Variants in CDH13 observed in about 807,000 individuals in gnomAD.
CDH13 encodes cadherin-13.
In CDH13, 24 loss-of-function variants were observed where a neutral mutation model predicts 63.8. The ratio of observed to expected loss-of-function variants is 0.38; its 90% CI spans 0.27 to 0.53. The LOEUF (loss-of-function observed/expected upper bound fraction) is 0.53. Ranked by LOEUF, CDH13 falls within the 20% of genes least tolerant of loss-of-function variation. CDH13 has a pLI of 0.85. For synonymous variants in CDH13, 503 were observed against 355.3 expected (o/e 1.42, Z -4.67); for missense variants, 1,049 against 903.1 (o/e 1.16, Z -2.07).
At chr16:83,214,174 A>T (rs918266937) in intron 4 of CDH13, among the ~76,000 whole-genome samples, 1 of 152,064 alleles carries the variant, frequency 6.6e-6, no homozygotes, top group African/African-American at 2.4e-5. Context: ...GGGTGAAGCA[A>T]TAATGACCAC....
chr16:83,141,167 G>C (rs2036513975), intron 4 of CDH13, among the ~76,000 whole-genome samples: 1 of 152,186 alleles, frequency 6.6e-6, no homozygotes, highest in African/African-American at 2.4e-5. Flanking sequence ...TAAAGCCGGA[G>C]GGGCTCTGGA....
At chr16:83,004,898 C>A (rs546493036) in intron 2 of CDH13, among the ~76,000 whole-genome samples, 2 of 152,222 alleles carry the variant, frequency 1.3e-5, no homozygotes, top group African/African-American at 4.8e-5. Context: ...GGAGATGGCA[C>A]TTGTCATCCC....
At chr16:83,082,565 C>G (rs1223563607) in intron 3 of CDH13, among the ~76,000 whole-genome samples, 1 of 152,020 alleles carries the variant, frequency 6.6e-6, no homozygotes, top group Non-Finnish European at 1.5e-5. Context: ...TGACTGAACC[C>G]GGGAGGCAGA....
chr16:83,539,705 A>G (rs2075263658), intron 7 of CDH13, among the ~76,000 whole-genome samples: 1 of 152,222 alleles, frequency 6.6e-6, no homozygotes, highest in Non-Finnish European at 1.5e-5. Context: ...TAGGTACTGT[A>G]ATTATTCCCA....
At chr16:82,853,257 C>G (rs1007233490) in intron 1 of CDH13, among the ~76,000 whole-genome samples, 11 of 152,176 alleles carry the variant, frequency 7.2e-5, no homozygotes, top group Middle Eastern at 3.2e-3. Flanking sequence ...CTGTCTGATT[C>G]CCTGCTATGT....
At chr16:83,744,902 G>T (rs56858644) in intron 10 of CDH13, among the ~76,000 whole-genome samples, 6,161 of 152,308 alleles carry the variant, frequency 0.04, 409 homozygotes, top group African/African-American at 0.14. Context: ...TGCTGGCAAT[G>T]TGAACGGCTG....
At chr16:83,214,227 C>T (rs985371968) in intron 4 of CDH13, among the ~76,000 whole-genome samples, 12 of 151,944 alleles carry the variant, frequency 7.9e-5, no homozygotes, top group Non-Finnish European at 1.2e-4. Context: ...CCCCTTCCCA[C>T]GCAGGGAGCT....
chr16:83,623,956 G>A (rs1373061725), intron 8 of CDH13, among the ~76,000 whole-genome samples: 1 of 152,162 alleles, frequency 6.6e-6, no homozygotes, highest in Non-Finnish European at 1.5e-5. Flanking sequence ...TCGTTGTTAG[G>A]AACAGAAATC....
At chr16:82,735,582 A>T (rs1379422194) in intron 1 of CDH13, among the ~76,000 whole-genome samples, 1 of 152,232 alleles carries the variant, frequency 6.6e-6, no homozygotes. Flanking sequence ...GTAATAGATG[A>T]ATAAGCTTAT....
chr16:83,392,197 C>T (rs2091801262), intron 6 of CDH13, among the ~76,000 whole-genome samples: 1 of 152,224 alleles, frequency 6.6e-6, no homozygotes, highest in South Asian at 2.1e-4. Flanking sequence ...TGCCTCATAG[C>T]TTCGTGGCCC....
intron 10 of CDH13, among the ~76,000 whole-genome samples, chr16:83,702,334 C>T (rs1906364290): frequency 6.6e-6 from 1 of 152,168 alleles, no homozygotes; most frequent in South Asian, 2.1e-4. Flanking sequence ...CTACATTGCT[C>T]ACTCCTATTA....
intron 1 of CDH13, among the ~76,000 whole-genome samples, chr16:82,822,081 C>T (rs1451236549): frequency 6.6e-6 from 1 of 152,168 alleles, no homozygotes; most frequent in Non-Finnish European, 1.5e-5. Flanking sequence ...TGTGAATTAA[C>T]TTATTTGACC....
At chr16:83,372,921 G>A (rs1395142170) in intron 6 of CDH13, among the ~76,000 whole-genome samples, 2 of 152,102 alleles carry the variant, frequency 1.3e-5, no homozygotes, top group Non-Finnish European at 2.9e-5. Context: ...TGGATCTAGG[G>A]AAGCCAGCAA....
At chr16:83,278,344 C>G (rs1240591160) in intron 5 of CDH13, among the ~76,000 whole-genome samples, 1 of 152,112 alleles carries the variant, frequency 6.6e-6, no homozygotes, top group Non-Finnish European at 1.5e-5. Context: ...CTCCTTAAAC[C>G]AAAGATACCT....
At chr16:83,365,975 C>T (rs1052005545) in intron 6 of CDH13, among the ~76,000 whole-genome samples, 3 of 152,184 alleles carry the variant, frequency 2.0e-5, no homozygotes, top group Non-Finnish European at 4.4e-5. Flanking sequence ...AAGCAGGAAA[C>T]CTACTGTGAA....
At chr16:82,757,555 C>T (rs1220983348) in intron 1 of CDH13, among the ~76,000 whole-genome samples, 3 of 152,166 alleles carry the variant, frequency 2.0e-5, no homozygotes, top group East Asian at 1.9e-4. Flanking sequence ...TGGTTTAAAG[C>T]TCAATTTTAG....
At chr16:83,512,826 G>A (rs777703531) in intron 7 of CDH13, among the ~76,000 whole-genome samples, 16 of 151,850 alleles carry the variant, frequency 1.1e-4, no homozygotes, top group African/African-American at 2.7e-4. Context: ...ACACATTCTC[G>A]GGCCTCCCCA....
chr16:83,176,049 C>T (rs564674739), intron 4 of CDH13, among the ~76,000 whole-genome samples: 1 of 150,216 alleles, frequency 6.7e-6, no homozygotes, highest in South Asian at 2.1e-4. Context: ...GGGGTTTCTC[C>T]ATGTAGGTCA....
At chr16:83,706,087 G>A (rs576874560) in intron 10 of CDH13, among the ~76,000 whole-genome samples, 1 of 152,266 alleles carries the variant, frequency 6.6e-6, no homozygotes, top group South Asian at 2.1e-4. Flanking sequence ...CAATGTCTGA[G>A]GCCTTAGCTG....
Sources: allele counts gnomAD v4.1 joint callset (sites outside exome capture counted in the v4.1 genomes callset), GRCh38; gene constraint gnomAD v4.1.1; transcripts MANE v1.5; gene names NCBI Gene and HGNC (gene_info 2026-07-23, HGNC 2026-07-21).